The following CRTC1 variants were observed in gnomAD, a reference collection of about 807,000 sequenced individuals.
CRTC1 encodes the protein CREB-regulated transcription coactivator 1.
Under a neutral mutation model 66.1 loss-of-function variants are expected in CRTC1, and 18 were observed. The observed-to-expected ratio is 0.27, with a 90% confidence interval of 0.19 to 0.40. CRTC1 has a LOEUF of 0.40. Among genes scored for constraint, CRTC1 ranks in the 10% least tolerant of loss-of-function variants. CRTC1 has a pLI of 1.00. For synonymous variants in CRTC1, 416 were observed against 398.8 expected, an observed-to-expected ratio of 1.04 and a Z score of -0.51; for missense variants, 669 against 887.9, an observed-to-expected ratio of 0.75 and a Z score of 3.13.
intron 1 of CRTC1, among the ~76,000 whole-genome samples, chr19:18,734,236 C>T (rs915950342): frequency 1.3e-5 from 2 of 152,024 alleles, no homozygotes; most frequent in African/African-American, 4.8e-5. Flanking sequence ...TTGAAATGTT[C>T]TAGAACCAGA....
intron 1 of CRTC1, among the ~76,000 whole-genome samples, chr19:18,706,069 A>G (rs1237115627): frequency 1.5e-5 from 2 of 137,864 alleles, no homozygotes; most frequent in Admixed American, 7.6e-5. Context: ...TCCCAGAGCT[A>G]TTTGTTGAAA....
chr19:18,721,197 T>TG (rs1307242893), intron 1 of CRTC1, among the ~76,000 whole-genome samples: 1 of 148,756 alleles, frequency 6.7e-6, no homozygotes, highest in Admixed American at 6.7e-5. Flanking sequence ...CAACCTCTGT[T>TG]TTTTTTTTTT....
Position 18,683,689 on chromosome 19 carries a change from G to A in CRTC1, c.-14G>A. On this transcript the variant is annotated 5_prime_UTR_variant, in exon 1 of 14. It adds an upstream start codon to the 5' untranslated region. Coordinates refer to ENST00000321949, the MANE Select transcript of CRTC1 (RefSeq NM_015321.3). ...GGAGGAGGAGGAGGAGGAGGAGGAG[G>A]TGGCGGCGAGAAGATGGCGACTTCG... The A allele has an allele frequency of 1.4e-6, 2 of 1,392,790 alleles. No individual in the cohort carries two copies. Among genetic ancestry groups the A allele is most frequent in the Non-Finnish European group, 1.9e-6 (2 of 1,048,026 alleles). 86.3% of individuals were successfully genotyped at this position (1,392,790 alleles called of 1,614,324 possible).
intron 1 of CRTC1, among the ~76,000 whole-genome samples, chr19:18,733,057 A>C (rs2053924516): frequency 6.6e-6 from 1 of 151,932 alleles, no homozygotes; most frequent in African/African-American, 2.4e-5. Context: ...ACTGCACTCC[A>C]GCCTGGGCAA....
chr19:18,765,782 G>A (rs966037215), intron 9 of CRTC1, among the ~76,000 whole-genome samples: 2 of 152,086 alleles, frequency 1.3e-5, no homozygotes, highest in African/African-American at 2.4e-5. Flanking sequence ...CCAACATGGT[G>A]AAACCTCGTC....
chr19:18,765,344 C>T, intron 8 of CRTC1, 60 bp from the exon 9 acceptor site: 1 of 1,561,338 alleles, frequency 6.4e-7, no homozygotes, highest in East Asian at 2.3e-5. Flanking sequence ...GGTGTGTAAG[C>T]AGCCCTTTCT....
chr19:18,768,349 G>A lies in CRTC1; in HGVS notation c.1012-136G>A. ...AGCCTGGGCTCCCTCATCGTGAGGA[G>A]CACCCAGCCCAGGGGCTGCCTGTGA... On this transcript the variant is annotated intron_variant, in intron 9 of 13. Transcript: ENST00000321949. This position sits in a 1 kb window ranked among gnomAD's most constrained non-coding sequence, Gnocchi z 5.6. 1.4e-6 allele frequency: 1 copy of A among 703,206 alleles called. No individual in the cohort carries two copies. Among genetic ancestry groups the A allele is most frequent in the South Asian group, 1.9e-5 (1 of 53,724 alleles). 43.6% of individuals were successfully genotyped at this position (703,206 alleles called of 1,614,324 possible).
chr19:18,763,540 GCCGGACAACGCGTTTTTTCAGAAGTCA>G (rs1389779904), intron 8 of CRTC1, among the ~76,000 whole-genome samples: 3 of 152,208 alleles, frequency 2.0e-5, no homozygotes, highest in Non-Finnish European at 2.9e-5. Flanking sequence ...CCATGAAATC[GCCGGACAACGCGTTTTTTCAGAAGTCA>G]CCCCCATTGT....
Position 18,699,372 on chromosome 19 carries a change from G to A in CRTC1, c.126+15544G>A, listed in dbSNP as rs142300686. On this transcript the variant is annotated intron_variant, in intron 1 of 13. Coordinates refer to ENST00000321949, the MANE Select transcript of CRTC1 (RefSeq NM_015321.3). ...TCACATTTTTCTAAGCAAATCCTGA[G>A]CCTGTATACTTGTACGGAACACAGT... 3.7e-3 allele frequency among the ~76,000 whole-genome samples: 569 copies of A among 152,256 alleles called. 3 individuals are homozygous for A. The highest frequency in any genetic ancestry group is 0.012 in the African/African-American group (492 of 41,544).
At chr19:18,715,193 C>A (rs1275605381) in intron 1 of CRTC1, among the ~76,000 whole-genome samples, 1 of 152,232 alleles carries the variant, frequency 6.6e-6, no homozygotes, top group Non-Finnish European at 1.5e-5. Flanking sequence ...CCTGTCTTCA[C>A]ATGGCCTGTG....
chr19:18,775,856 C>A (rs577305883), intron 13 of CRTC1, 35 bp downstream of exon 13: 1 of 1,528,874 alleles, frequency 6.5e-7, no homozygotes, highest in South Asian at 1.3e-5. Context: ...TGCGGCGCCC[C>A]AAGGGGCCTC....
intron 8 of CRTC1, among the ~76,000 whole-genome samples, chr19:18,762,032 G>T (rs572429568): frequency 1.3e-5 from 2 of 152,288 alleles, no homozygotes; most frequent in South Asian, 4.1e-4. Flanking sequence ...CCAGGCAGGC[G>T]GCATCCACAC....
chr19:18,701,523 C>T (rs2145534414), intron 1 of CRTC1, among the ~76,000 whole-genome samples: 1 of 152,370 alleles, frequency 6.6e-6, no homozygotes, highest in South Asian at 2.1e-4. Flanking sequence ...ATGACAGCTG[C>T]CACTGTGTGG....
Position 18,780,575 on chromosome 19 carries a change from C to G in CRTC1, c.*3193C>G, listed in dbSNP as rs1413061297. The G allele has an allele frequency of 4.3e-6, 1 of 230,782 alleles. No homozygotes were observed. Among genetic ancestry groups the G allele is most frequent in the African/African-American group, 2.2e-5 (1 of 45,210 alleles). 14.3% of individuals were successfully genotyped at this position (230,782 alleles called of 1,614,324 possible). A position where few individuals can be genotyped will look rare whatever the true frequency, so the allele number is the denominator to read the frequency against. ...AGCCAGGAGGGCCCCCCATGTCCAT[C>G]CATCCCTCCTGCTGGGGCTTGGATG... On this transcript the variant is annotated 3_prime_UTR_variant, in exon 14 of 14. Coordinates refer to ENST00000321949, the MANE Select transcript of CRTC1 (RefSeq NM_015321.3).
chr19:18,770,191 G>A lies in CRTC1; in HGVS notation c.1321-1251G>A, dbSNP rs546741538. On this transcript the variant is annotated intron_variant, in intron 10 of 13. Transcript: ENST00000321949. ...TGCAGGCACACAGCATGGCTGGGCC[G>A]TGCTAGGACAAGAGAGTGGTCTGAA... Among the ~76,000 whole-genome samples the A allele has an allele frequency of 2.2e-4, 33 of 152,342 alleles. 1 individual carries two copies. In the South Asian group the frequency reaches 3.3e-3, roughly 15 times the overall value.
chr19:18,725,193 G>GT (rs756607407), intron 1 of CRTC1, among the ~76,000 whole-genome samples: 1 of 152,128 alleles, frequency 6.6e-6, no homozygotes, highest in Non-Finnish European at 1.5e-5. Flanking sequence ...CCCCTGCCTG[G>GT]CCCCTCATGG....
rs551754635 is a variant in CRTC1 at position 18,771,158 on chromosome 19, C to G, written c.1321-284C>G. Among the ~76,000 whole-genome samples the G allele has an allele frequency of 1.3e-5, 2 of 152,188 alleles. No homozygotes were observed. The highest frequency in any genetic ancestry group is 4.8e-5 in the African/African-American group (2 of 41,520). On this transcript the variant is annotated intron_variant, in intron 10 of 13. Transcript: ENST00000321949. The surrounding 1 kb of genome is among the most constrained non-coding windows in gnomAD (Gnocchi z 4.6). ...TGGCTCTGAGCCTGCTGAGTCAGGG[C>G]CAACCCTCTGATCACCCTCCTGTAG...
rs2053201617 is a variant in CRTC1, at chr19:18,703,823, C to G, written c.126+19995C>G. The stretch of plus-strand genomic sequence containing the variant: ...ATGTTGGCCAGGCTGGTCTCGAACT[C>G]CTGACCCCAAGTTATCTGCCTGCCT... On this transcript the variant is annotated intron_variant, in intron 1 of 13. Transcript: ENST00000321949. 2.0e-5 allele frequency among the ~76,000 whole-genome samples: 3 copies of G among 152,168 alleles called. No individual in the cohort carries two copies. The South Asian group carries it at 6.2e-4, about 31-fold the overall frequency.
At chr19:18,694,449 T>C (rs2052935562) in intron 1 of CRTC1, among the ~76,000 whole-genome samples, 1 of 152,204 alleles carries the variant, frequency 6.6e-6, no homozygotes, top group Non-Finnish European at 1.5e-5. Context: ...TATTCCTTTT[T>C]TGTGGCTGCT....
Sources: allele counts gnomAD v4.1 joint callset (sites outside exome capture counted in the v4.1 genomes callset), GRCh38; gene constraint gnomAD v4.1.1; non-coding constraint Gnocchi (gnomAD v3.1); transcripts MANE v1.5; gene names NCBI Gene and HGNC (gene_info 2026-07-23, HGNC 2026-07-21).